AOX1: variants seen among roughly 807,000 people sequenced by gnomAD.
The protein encoded by AOX1 is aldehyde oxidase 1.
A neutral mutation model predicts 169.5 loss-of-function variants in AOX1; 153 were observed. That is an observed-to-expected ratio of 0.90 (90% CI 0.79 to 1.03). The LOEUF (loss-of-function observed/expected upper bound fraction) is 1.03. AOX1 is among the 50% of genes least tolerant of loss of function. The pLI is 0.00. For missense variants in AOX1, 1,656 were observed against 1,663.9 expected (o/e 1.00, Z 0.08); for synonymous variants, 562 against 581.9 (o/e 0.97, Z 0.49).
At chr2:200,657,190 A>ATATATATTTTTTTTTTTTTT in intron 27 of AOX1, among the ~76,000 whole-genome samples, 1 of 62,880 alleles carries the variant, frequency 1.6e-5, no homozygotes, top group African/African-American at 7.9e-5. Context: ...ATATATATAT[A>ATATATATTTTTTTTTTTTTT]TTTTTTTTTT....
At chr2:200,637,815 A>G (rs2035266825) in intron 22 of AOX1, among the ~76,000 whole-genome samples, 1 of 152,180 alleles carries the variant, frequency 6.6e-6, no homozygotes, top group South Asian at 2.1e-4. Flanking sequence ...CCATCCCAGG[A>G]AGCAAAAATA....
chr2:200,601,163 G>A (rs888335035), intron 5 of AOX1, among the ~76,000 whole-genome samples: 2 of 144,908 alleles, frequency 1.4e-5, no homozygotes, highest in African/African-American at 5.1e-5. Flanking sequence ...TTGCAACAAC[G>A]TAAATGAACC....
At position 200,614,913 on chromosome 2, in the gene AOX1, A is replaced by G. The variant is rs2034719886; in HGVS notation, c.1611+947A>G. Reference sequence around the variant, plus strand: ...CTCCTCCAATTAGTAGCAAACTAATATAATTTCTGGGTGACTCAAGCGATG... The same window carrying G: ...CTCCTCCAATTAGTAGCAAACTAATGTAATTTCTGGGTGACTCAAGCGATG... On this transcript the variant is annotated intron_variant, in intron 15 of 34. Coordinates refer to ENST00000374700, the MANE Select transcript of AOX1 (RefSeq NM_001159.4). Among the ~76,000 whole-genome samples, 5 of 152,238 alleles carry G rather than the reference A, an allele frequency of 3.3e-5. No individual in the cohort carries two copies. In the South Asian group the frequency reaches 1.0e-3, roughly 31 times the overall value.
chr2:200,611,001 G>A (rs1311439901), intron 12 of AOX1, among the ~76,000 whole-genome samples: 2 of 152,022 alleles, frequency 1.3e-5, no homozygotes, highest in African/African-American at 2.4e-5. Context: ...CTACAGGTGC[G>A]CACAACCATG....
intron 10 of AOX1, among the ~76,000 whole-genome samples, chr2:200,608,120 A>C (rs1437803297): frequency 6.6e-6 from 1 of 152,220 alleles, no homozygotes; most frequent in Non-Finnish European, 1.5e-5. Context: ...TGTATCCTAG[A>C]ACTTAAAGTA....
chr2:200,589,196 A>C (rs533959132), intron 1 of AOX1, among the ~76,000 whole-genome samples: 2 of 152,212 alleles, frequency 1.3e-5, no homozygotes, highest in Non-Finnish European at 2.9e-5. Flanking sequence ...AGGTAACGAC[A>C]TCTGGAGGCA....
At position 200,604,710 on chromosome 2, in the gene AOX1, A is replaced by C; in HGVS notation, c.684A>C (p.Lys228Asn). Residue 228 changes from lysine to asparagine, a missense_variant, in exon 9 of 35, where the codon AAA becomes AAC. Physicochemically the swap from Lys to Asn is moderately conservative, Grantham distance 94. Coordinates refer to ENST00000374700, the MANE Select transcript of AOX1 (RefSeq NM_001159.4). The stretch of plus-strand genomic sequence containing the variant: ...TTTTTCAATAGATAATGGCTGAGAA[A>C]CAGTCGCAAAGGACCAGGGTGTTTG... The part of the protein sequence containing the change: ...FPPELMIMAE[K>N]QSQRTRVFGS... 2 of 1,614,086 alleles carry C rather than the reference A, an allele frequency of 1.2e-6. No individual in the cohort carries two copies. Among genetic ancestry groups the C allele is most frequent in the Non-Finnish European group, 1.7e-6 (2 of 1,179,970 alleles).
At chr2:200,605,103 G>A (rs1387710321) in intron 9 of AOX1, among the ~76,000 whole-genome samples, 1 of 152,210 alleles carries the variant, frequency 6.6e-6, no homozygotes, top group East Asian at 1.9e-4. Context: ...CCAGCAGCAG[G>A]AGCTTCAGTG....
At chr2:200,620,215 T>C (rs76875905) in intron 16 of AOX1, among the ~76,000 whole-genome samples, 1 of 151,262 alleles carries the variant, frequency 6.6e-6, no homozygotes, top group Non-Finnish European at 1.5e-5. Context: ...TTTTTTTTTT[T>C]TTTGATGGCG....
Position 200,662,926 on chromosome 2 carries a change from C to T in AOX1, c.3500C>T (p.Ala1167Val), listed in dbSNP as rs35345784. The T allele has an allele frequency of 1.7e-5, 27 of 1,613,938 alleles. No homozygotes were observed. In the East Asian group the frequency reaches 4.9e-4, roughly 29 times the overall value. ...QPFEYFVYGA[A>V]CSEVEIDCLT... ...TTCGAATACTTTGTTTATGGAGCTG[C>T]CTGTTCCGAGGTTGAAATAGACTGC... The change falls in exon 31 of 35, where the codon GCC (alanine) becomes GTC (valine). Residue 1167 changes from alanine (A) to valine (V), a missense_variant. Transcript: ENST00000374700.
intron 5 of AOX1, among the ~76,000 whole-genome samples, chr2:200,601,322 G>T (rs2034409530): frequency 6.6e-6 from 1 of 152,150 alleles, no homozygotes; most frequent in South Asian, 2.1e-4. Flanking sequence ...GGAAAACAAA[G>T]ATGTATTCGT....
chr2:200,644,699 ATTTG>A (rs1236528957), intron 25 of AOX1, among the ~76,000 whole-genome samples: 2 of 152,042 alleles, frequency 1.3e-5, no homozygotes, highest in African/African-American at 4.8e-5. Context: ...ATGTGTTTCC[ATTTG>A]TTTGTGTCAT....
rs572100671 is a variant in AOX1, at chr2:200,590,563, A to AAAC, written c.46-2559_46-2557dup. Among the ~76,000 whole-genome samples the AAAC allele has an allele frequency of 6.1e-3, 933 of 151,926 alleles. 9 individuals carry two copies. Among genetic ancestry groups the AAAC allele is most frequent in the African/African-American group, 0.012 (489 of 41,440 alleles). ...TCCAAATACAACCCTCACTACATCA[A>AAAC]AACAACAACAACAACAACAACAACA... is the stretch of plus-strand genomic sequence containing the variant. On this transcript the variant is annotated intron_variant, in intron 1 of 34. Transcript: ENST00000374700.
At chr2:200,611,902 G>T (rs761027962) in intron 13 of AOX1, among the ~76,000 whole-genome samples, 2 of 151,666 alleles carry the variant, frequency 1.3e-5, no homozygotes, top group Admixed American at 6.6e-5. Flanking sequence ...ACGGGGTTTC[G>T]CCAAGTTGGC....
rs1239587595 is a variant in AOX1 at position 200,599,643 on chromosome 2, C to G, written c.333C>G (p.Gly111=). The change falls in exon 5 of 35, where the codon GGC becomes GGG. Residue 111 remains glycine, a synonymous_variant. Coordinates refer to ENST00000374700, the MANE Select transcript of AOX1 (RefSeq NM_001159.4). The part of the protein sequence containing the change: ...PVQERIAKCH[G]TQCGFCTPGM... ...AGGAGAGGATTGCCAAGTGTCATGG[C>G]ACCCAGTGTGGCTTCTGCACACCTG... The G allele has an allele frequency of 6.2e-7, 1 of 1,611,940 alleles. No homozygotes were observed. The highest frequency in any genetic ancestry group is 1.3e-5 in the African/African-American group (1 of 74,812).
chr2:200,591,494 C>T (rs2034171407), intron 1 of AOX1, among the ~76,000 whole-genome samples: 1 of 152,214 alleles, frequency 6.6e-6, no homozygotes, highest in African/African-American at 2.4e-5. Flanking sequence ...GAAAGTCCAA[C>T]GCACCCCCTG....
downstream of AOX1, among the ~76,000 whole-genome samples, chr2:200,673,464 T>A (rs1166956005): frequency 6.6e-6 from 1 of 152,184 alleles, no homozygotes; most frequent in African/African-American, 2.4e-5. Flanking sequence ...CAATCCCACA[T>A]CAAAGACAGT....
At chr2:200,609,514 A>G (rs4672858) in intron 12 of AOX1, 100 bp downstream of exon 12, 234,720 of 953,406 alleles carry the variant, frequency 0.25, 29,217 homozygotes, top group East Asian at 0.29. Flanking sequence ...ACTTTTCCCT[A>G]TAATATCAAT....
At chr2:200,592,144 A>G (rs1297074439) in intron 1 of AOX1, among the ~76,000 whole-genome samples, 1 of 152,054 alleles carries the variant, frequency 6.6e-6, no homozygotes, top group Non-Finnish European at 1.5e-5. Context: ...GGCACCCCAT[A>G]TTTTTTCTTA....
Sources: gnomAD v4.1 joint callset for allele counts (sites outside exome capture counted in the v4.1 genomes callset) on GRCh38, gnomAD v4.1.1 for gene constraint, MANE v1.5 for transcripts, NCBI Gene and HGNC (gene_info 2026-07-23, HGNC 2026-07-21) for gene names.